The following SMARCC1 variants were observed in gnomAD, a reference collection of about 807,000 sequenced individuals.
SMARCC1 encodes SWI/SNF complex subunit SMARCC1.
A neutral mutation model predicts 147.4 loss-of-function variants in SMARCC1; 43 were observed. That is an observed-to-expected ratio of 0.29 (90% CI 0.23 to 0.38). The LOEUF is 0.38. Among genes scored for constraint, SMARCC1 ranks in the 10% least tolerant of loss-of-function variants. The pLI, the probability that SMARCC1 is intolerant of heterozygous loss-of-function variation, is 1.00. For missense variants in SMARCC1, 1,119 were observed against 1,381.1 expected, an observed-to-expected ratio of 0.81 and a Z score of 3.01; for synonymous variants, 495 against 484.4, an observed-to-expected ratio of 1.02 and a Z score of -0.29.
rs183707969 is a variant in SMARCC1, at chr3:47,660,204, T to C, written c.2320+1090A>G. Among the ~76,000 whole-genome samples the C allele has an allele frequency of 2.0e-5, 3 of 152,104 alleles. No individual in the cohort carries two copies. The East Asian group carries it at 5.8e-4, about 29-fold the overall frequency. On this transcript the variant is annotated intron_variant, in intron 21 of 27. Transcript: ENST00000254480. ...GCTCATGCTTATAATCCCAGCACTTTGGGAGGCCGAGGCGGGCAGATCACG... is the reference window on the plus strand; with the variant it reads ...GCTCATGCTTATAATCCCAGCACTTCGGGAGGCCGAGGCGGGCAGATCACG...
chr3:47,686,548 A>G (rs1441663877), intron 13 of SMARCC1, among the ~76,000 whole-genome samples: 1 of 152,236 alleles, frequency 6.6e-6, no homozygotes, highest in Non-Finnish European at 1.5e-5. Context: ...ACTTAATCTG[A>G]AGTAAATGTT....
intron 2 of SMARCC1, among the ~76,000 whole-genome samples, chr3:47,770,391 C>T (rs559662762): frequency 1.3e-5 from 2 of 151,944 alleles, no homozygotes; most frequent in East Asian, 3.9e-4. Context: ...GAGGCTGAGG[C>T]GGGTGGATCA....
At position 47,694,637 on chromosome 3, in the gene SMARCC1, T is replaced by C. The variant is rs545203921; in HGVS notation, c.1166-1337A>G. ...AACAAAAAACCACAGCCAAATTGCA[T>C]TGAATGTCTTCATTAATTTACACTT... On this transcript the variant is annotated intron_variant, in intron 11 of 27. Transcript: ENST00000254480. 3.9e-5 allele frequency among the ~76,000 whole-genome samples: 6 copies of C among 152,346 alleles called. No homozygotes were observed. In the South Asian group the frequency reaches 1.0e-3, roughly 26 times the overall value.
intron 2 of SMARCC1, among the ~76,000 whole-genome samples, chr3:47,765,398 TTTA>T (rs1388649270): frequency 6.6e-6 from 1 of 152,182 alleles, no homozygotes; most frequent in Non-Finnish European, 1.5e-5. Context: ...GGATGTTCTC[TTTA>T]TAATTATTTA....
At chr3:47,722,885 G>C (rs2034249814) in intron 6 of SMARCC1, among the ~76,000 whole-genome samples, 1 of 152,222 alleles carries the variant, frequency 6.6e-6, no homozygotes, top group Non-Finnish European at 1.5e-5. Flanking sequence ...ACAAGGGGAA[G>C]CCTAAGCCAA....
At chr3:47,709,884 A>G (rs1559651106) in intron 9 of SMARCC1, among the ~76,000 whole-genome samples, 1 of 152,104 alleles carries the variant, frequency 6.6e-6, no homozygotes, top group Non-Finnish European at 1.5e-5. Context: ...ATATCTAAGC[A>G]ACTGAACGTC....
intron 1 of SMARCC1, among the ~76,000 whole-genome samples, chr3:47,773,294 CT>C (rs1230473023): frequency 2.0e-5 from 3 of 151,248 alleles, no homozygotes. Flanking sequence ...CCCCCAACTA[CT>C]TTTGTATTTT....
chr3:47,650,440 A>G (rs1387297896), intron 21 of SMARCC1, among the ~76,000 whole-genome samples: 3 of 152,004 alleles, frequency 2.0e-5, no homozygotes, highest in Admixed American at 1.3e-4. Context: ...AAGTAAACAA[A>G]CTACAAGATA....
At chr3:47,682,153 G>A (rs540205640) in intron 14 of SMARCC1, among the ~76,000 whole-genome samples, 32 of 151,690 alleles carry the variant, frequency 2.1e-4, no homozygotes, top group Non-Finnish European at 4.3e-4. Flanking sequence ...AAATTAGCCG[G>A]GCATGGTGTT....
chr3:47,768,477 C>A (rs1426787947), intron 2 of SMARCC1, among the ~76,000 whole-genome samples: 1 of 152,062 alleles, frequency 6.6e-6, no homozygotes, highest in Non-Finnish European at 1.5e-5. Flanking sequence ...TCTGAAAACA[C>A]CATTTTTGAA....
chr3:47,590,926 T>C, intron 26 of SMARCC1, 89 bp from the exon 27 acceptor site: 1 of 1,033,284 alleles, frequency 9.7e-7, no homozygotes, highest in Non-Finnish European at 1.4e-6. Flanking sequence ...AATACAAATA[T>C]CCAACCTTCC....
chr3:47,671,631 T>G (rs1213912095), intron 18 of SMARCC1, among the ~76,000 whole-genome samples: 2 of 152,222 alleles, frequency 1.3e-5, no homozygotes, highest in East Asian at 3.8e-4. Context: ...GTGTAAAAAC[T>G]AAAATTTAAT....
At chr3:47,590,971 T>C in intron 26 of SMARCC1, 134 bp from the exon 27 acceptor site, 1 of 774,460 alleles carries the variant, frequency 1.3e-6, no homozygotes, top group South Asian at 1.8e-5. Flanking sequence ...CAATAATCTG[T>C]AATAATCTCT....
At chr3:47,590,928 C>T in intron 26 of SMARCC1, 91 bp from the exon 27 acceptor site, 1 of 1,037,738 alleles carries the variant, frequency 9.6e-7, no homozygotes, top group South Asian at 1.5e-5. Flanking sequence ...TACAAATATC[C>T]AACCTTCCAA....
At position 47,677,093 on chromosome 3, in the gene SMARCC1, A is replaced by G. The variant is rs533682893; in HGVS notation, c.1572-311T>C. 2.0e-5 allele frequency among the ~76,000 whole-genome samples: 3 copies of G among 152,210 alleles called. 1 individual carries two copies. In the South Asian group the frequency reaches 6.2e-4, roughly 32 times the overall value. The stretch of plus-strand genomic sequence containing the variant: ...ACTCACACATAGACCAAATACACAC[A>G]TTAAAAAAATCCGCATTTTTCGTGA... On this transcript the variant is annotated intron_variant, in intron 16 of 27. Transcript: ENST00000254480.
chr3:47,664,488 TTTA>T (rs1183816006), intron 19 of SMARCC1, among the ~76,000 whole-genome samples: 1 of 152,190 alleles, frequency 6.6e-6, no homozygotes, highest in Non-Finnish European at 1.5e-5. Flanking sequence ...AGTTTTATAA[TTTA>T]TTATTTTTTC....
intron 26 of SMARCC1, among the ~76,000 whole-genome samples, chr3:47,608,805 T>C (rs2032519008): frequency 1.4e-5 from 2 of 141,638 alleles, no homozygotes. Flanking sequence ...GCCATGATCA[T>C]GTCACTGCAC....
intron 2 of SMARCC1, among the ~76,000 whole-genome samples, chr3:47,753,280 G>A (rs548051761): frequency 8.4e-5 from 12 of 142,628 alleles, no homozygotes; most frequent in South Asian, 2.2e-4. Flanking sequence ...AGCTGAGAAC[G>A]CACCACTGCA....
intron 21 of SMARCC1, among the ~76,000 whole-genome samples, chr3:47,660,201 C>T (rs1458084214): frequency 1.3e-5 from 2 of 151,976 alleles, no homozygotes; most frequent in African/African-American, 2.4e-5. Flanking sequence ...AATCCCAGCA[C>T]TTTGGGAGGC....
Sources: gnomAD v4.1 joint callset for allele counts (sites outside exome capture counted in the v4.1 genomes callset) on GRCh38, gnomAD v4.1.1 for gene constraint, MANE v1.5 for transcripts, NCBI Gene and HGNC (gene_info 2026-07-23, HGNC 2026-07-21) for gene names.